COG7: variants seen among roughly 807,000 people sequenced by gnomAD.
COG7 encodes the protein component of oligomeric golgi complex 7, also known as conserved oligomeric Golgi complex subunit 7.
In COG7, 49 loss-of-function variants were observed where a neutral mutation model predicts 91.5. That is an observed-to-expected ratio of 0.54 (90% CI 0.43 to 0.68). The LOEUF is 0.68. COG7 is among the 30% of genes least tolerant of loss of function. The pLI, the probability that COG7 is intolerant of heterozygous loss-of-function variation, is 0.00. For missense variants in COG7, 895 were observed against 961.3 expected (o/e 0.93, Z 0.91); for synonymous variants, 365 against 388.7 (o/e 0.94, Z 0.72).
intron 13 of COG7, among the ~76,000 whole-genome samples, chr16:23,398,492 T>C (rs143921918): frequency 6.6e-6 from 1 of 152,156 alleles, no homozygotes; most frequent in African/African-American, 2.4e-5. Flanking sequence ...GCGGGGCCAC[T>C]GTGTAGAGAG....
intron 11 of COG7, among the ~76,000 whole-genome samples, chr16:23,408,908 A>G (rs564495146): frequency 6.6e-6 from 1 of 151,992 alleles, no homozygotes; most frequent in Admixed American, 6.5e-5. Flanking sequence ...TTTGCAGCCC[A>G]GAGAGGCTGA....
At chr16:23,421,611 T>C (rs904755070) in intron 7 of COG7, among the ~76,000 whole-genome samples, 1 of 151,988 alleles carries the variant, frequency 6.6e-6, no homozygotes, top group Non-Finnish European at 1.5e-5. Flanking sequence ...TAAAATGGCA[T>C]ATCAGTAATT....
chr16:23,410,095 G>A (rs1963537923), intron 11 of COG7, among the ~76,000 whole-genome samples, 200 bp downstream of exon 11: 1 of 152,170 alleles, frequency 6.6e-6, no homozygotes, highest in African/African-American at 2.4e-5. Context: ...TGCCAAGTAG[G>A]ACAAAGCCTT....
Position 23,433,833 on chromosome 16 carries a change from C to T in COG7, c.688-166G>A, listed in dbSNP as rs1812360926. 3.5e-5 allele frequency among the ~76,000 whole-genome samples: 5 copies of T among 144,048 alleles called. No homozygotes were observed. In the South Asian group the frequency reaches 1.1e-3, roughly 32 times the overall value. 94.5% of individuals were successfully genotyped at this position (144,048 alleles called of 152,430 possible). On this transcript the variant is annotated intron_variant, in intron 5 of 16. Transcript: ENST00000307149. ...AAGAAAGGCAGGAAAAAAAAAAAAA[C>T]ATTTGCAGTTATCTGCACTGATTCA... is the stretch of plus-strand genomic sequence containing the variant.
rs146381364 is a variant in COG7, at chr16:23,391,930, C to T, written c.2146+450G>A. 683 of 989,086 alleles carry T rather than the reference C, an allele frequency of 6.9e-4. 4 individuals are homozygous for T. The East Asian group carries it at 0.02, about 29-fold the overall frequency. The allele number at this position is 989,086 out of a possible 1,614,324, so 61.3% of individuals were successfully genotyped here. A position where few individuals can be genotyped will look rare whatever the true frequency, so the allele number is the denominator to read the frequency against. ...ATGGAACTGCCCTGGGCCTCCGTTC[C>T]CTATCGGTATGATGGAGAAGAGAGC... On this transcript the variant is annotated intron_variant, in intron 16 of 16. Coordinates refer to ENST00000307149, the MANE Select transcript of COG7 (RefSeq NM_153603.4).
chr16:23,417,207 G>A, intron 8 of COG7, 86 bp from the exon 9 acceptor site: 1 of 1,393,524 alleles, frequency 7.2e-7, no homozygotes, highest in Non-Finnish European at 1.0e-6. Context: ...CTTCTCATCT[G>A]TAGTAAAATC....
At chr16:23,446,102 C>G (rs1964178815) in intron 1 of COG7, 141 bp from the exon 2 acceptor site, 2 of 1,011,268 alleles carry the variant, frequency 2.0e-6, no homozygotes, top group Admixed American at 2.4e-5. Context: ...GTTTTTGGAG[C>G]CTGCAGAAAA....
At chr16:23,400,827 G>A (rs559312320) in intron 13 of COG7, among the ~76,000 whole-genome samples, 2 of 151,972 alleles carry the variant, frequency 1.3e-5, no homozygotes, top group African/African-American at 4.8e-5. Flanking sequence ...AAAATTAGCC[G>A]GGTGTGGTGA....
At chr16:23,420,658 A>C (rs1963739680) in intron 7 of COG7, among the ~76,000 whole-genome samples, 1 of 152,200 alleles carries the variant, frequency 6.6e-6, no homozygotes, top group African/African-American at 2.4e-5. Flanking sequence ...GGTTTTGTAG[A>C]GATTAGGTAA....
chr16:23,394,233 C>T (rs1436241162), intron 14 of COG7, among the ~76,000 whole-genome samples: 1 of 152,042 alleles, frequency 6.6e-6, no homozygotes, highest in Non-Finnish European at 1.5e-5. Context: ...TAAAGATAGA[C>T]AAAACCTTGG....
intron 8 of COG7, 101 bp downstream of exon 8, chr16:23,418,599 T>C: frequency 9.3e-7 from 1 of 1,079,570 alleles, no homozygotes; most frequent in Non-Finnish European, 1.4e-6. Context: ...AAGGTCATAT[T>C]TCAGCACCCC....
At position 23,434,640 on chromosome 16, in the gene COG7, T is replaced by C. The variant is rs1567343920; in HGVS notation, c.683A>G (p.His228Arg). ...TCATCGCGCACAGCTTCTTACCTTG[T>C]GACACTTGTAGTAGTAGGCCAGGAG... Reference protein sequence around the residue: ...PQLLAYYYKCHKVQLLAAWQE... With the variant: ...PQLLAYYYKCRKVQLLAAWQE... Residue 228 changes from histidine (H) to arginine (R), a missense_variant, in exon 5 of 17, where the codon CAC becomes CGC. Physicochemically the swap from His to Arg is conservative, Grantham distance 29. Coordinates refer to ENST00000307149, the MANE Select transcript of COG7 (RefSeq NM_153603.4). 1 of 1,612,128 alleles carries C rather than the reference T, an allele frequency of 6.2e-7. No individual in the cohort carries two copies. Among genetic ancestry groups the C allele is most frequent in the Non-Finnish European group, 8.5e-7 (1 of 1,178,130 alleles).
chr16:23,437,662 GA>G (rs1352071954), intron 4 of COG7, among the ~76,000 whole-genome samples: 1 of 147,714 alleles, frequency 6.8e-6, no homozygotes, highest in Admixed American at 6.7e-5. Context: ...GGCTTCCAAG[GA>G]AATTCCACTA....
chr16:23,394,535 T>C lies in COG7; in HGVS notation c.1888-1188A>G, dbSNP rs186192720. ...GTTTTTTTTTTCTTCCTGCTACATA[T>C]TCATTCCATGACATTCCTGTCACTG... is the stretch of plus-strand genomic sequence containing the variant. On this transcript the variant is annotated intron_variant, in intron 14 of 16. Coordinates refer to ENST00000307149, the MANE Select transcript of COG7 (RefSeq NM_153603.4). Among the ~76,000 whole-genome samples the C allele has an allele frequency of 1.9e-3, 289 of 152,256 alleles. 3 individuals carry two copies. The highest frequency in any genetic ancestry group is 6.9e-3 in the African/African-American group (285 of 41,564).
At chr16:23,404,890 A>T (rs1029452063) in intron 12 of COG7, among the ~76,000 whole-genome samples, 19 of 152,220 alleles carry the variant, frequency 1.2e-4, no homozygotes, top group African/African-American at 4.6e-4. Flanking sequence ...ACTGCACTCC[A>T]GCCTAGGCGA....
Position 23,413,404 on chromosome 16 carries a change from C to T in COG7, c.1409+44G>A, listed in dbSNP as rs189663235. Reference sequence around the variant, plus strand: ...ATATACTATATCATGCATGTTTATGCTGGCTACATTAGGAACAAGCTTGAA... The same window carrying T: ...ATATACTATATCATGCATGTTTATGTTGGCTACATTAGGAACAAGCTTGAA... On this transcript the variant is annotated intron_variant, in intron 10 of 16. Transcript: ENST00000307149. 253 of 1,005,354 alleles carry T rather than the reference C, an allele frequency of 2.5e-4. 1 individual carries two copies. The highest frequency in any genetic ancestry group is 3.8e-4 in the Non-Finnish European group (237 of 624,050). The allele number at this position is 1,005,354 out of a possible 1,614,324, so 62.3% of individuals were successfully genotyped here.
intron 10 of COG7, among the ~76,000 whole-genome samples, chr16:23,411,897 T>C (rs1963569076): frequency 6.6e-6 from 1 of 151,912 alleles, no homozygotes; most frequent in Admixed American, 6.6e-5. Context: ...TTTTTTTTTT[T>C]TGAGATGAGG....
chr16:23,434,269 T>C (rs1362512382), intron 5 of COG7, among the ~76,000 whole-genome samples: 1 of 152,006 alleles, frequency 6.6e-6, no homozygotes, highest in African/African-American at 2.4e-5. Context: ...CTGGGCAAAA[T>C]AGTGAAACCC....
In COG7 at chr16:23,433,393, A is replaced by G. The variant is rs867824985; in HGVS notation, c.810+152T>C. ...AGTGTGAGCCACCGCACCCGGCCTA[A>G]CTGGTTATTTTTTAACCCCTTGAAT... On this transcript the variant is annotated intron_variant, in intron 6 of 16. Coordinates refer to ENST00000307149, the MANE Select transcript of COG7 (RefSeq NM_153603.4). 6.9e-5 allele frequency: 69 copies of G among 997,732 alleles called. No homozygotes were observed. In the African/African-American group the frequency reaches 9.0e-4, roughly 13 times the overall value. 61.8% of individuals were successfully genotyped at this position (997,732 alleles called of 1,614,324 possible).
Sources: gnomAD v4.1 joint callset for allele counts (sites outside exome capture counted in the v4.1 genomes callset) on GRCh38, gnomAD v4.1.1 for gene constraint, MANE v1.5 for transcripts, NCBI Gene and HGNC (gene_info 2026-07-23, HGNC 2026-07-21) for gene names.